Variants in PRKAG2 observed in about 807,000 individuals in gnomAD.
PRKAG2 encodes 5'-AMP-activated protein kinase subunit gamma-2.
In PRKAG2, 26 loss-of-function variants were observed where a neutral mutation model predicts 69.6. The ratio of observed to expected loss-of-function variants is 0.37; its 90% CI spans 0.27 to 0.52. PRKAG2 has a LOEUF of 0.52. Ranked by LOEUF, PRKAG2 falls within the 20% of genes least tolerant of loss-of-function variation. The pLI, the probability that PRKAG2 is intolerant of heterozygous loss-of-function variation, is 0.90. For missense variants in PRKAG2, 557 were observed against 740.0 expected, an observed-to-expected ratio of 0.75 and a Z score of 2.87; for synonymous variants, 293 against 285.0, an observed-to-expected ratio of 1.03 and a Z score of -0.28.
chr7:151,826,602 T>C (rs1008072231), intron 1 of PRKAG2, among the ~76,000 whole-genome samples: 27 of 152,226 alleles, frequency 1.8e-4, no homozygotes, highest in Admixed American at 1.5e-3. Flanking sequence ...ACCCTAATCA[T>C]TGAAAAAGAA....
chr7:151,775,162 A>T (rs2076278533), intron 3 of PRKAG2, among the ~76,000 whole-genome samples: 1 of 152,170 alleles, frequency 6.6e-6, no homozygotes, highest in African/African-American at 2.4e-5. Context: ...GGAGGGTGGG[A>T]TGCCACAGTC....
intron 6 of PRKAG2, among the ~76,000 whole-genome samples, chr7:151,586,007 C>A (rs1811575792): frequency 6.6e-6 from 1 of 152,240 alleles, no homozygotes; most frequent in Admixed American, 6.5e-5. Context: ...GCGGAGGAAG[C>A]TGGGGTACAT....
At chr7:151,735,922 C>T (rs1340393833) in intron 3 of PRKAG2, 3 of 1,536,246 alleles carry the variant, frequency 2.0e-6, no homozygotes, top group African/African-American at 1.4e-5. Flanking sequence ...GAGGCTCCGA[C>T]TGGCGCCTCT....
chr7:151,751,423 T>A (rs141521003), intron 3 of PRKAG2, among the ~76,000 whole-genome samples: 1 of 151,808 alleles, frequency 6.6e-6, no homozygotes, highest in African/African-American at 2.4e-5. Context: ...GGCCCAAAGA[T>A]GCCATATTTT....
At chr7:151,560,283 G>C (rs1227420594) in intron 15 of PRKAG2, 1 of 1,404,216 alleles carries the variant, frequency 7.1e-7, no homozygotes, top group Non-Finnish European at 9.4e-7. Context: ...AAGTCATTTA[G>C]GGGGCCACTG....
chr7:151,697,652 C>G (rs1836915907), intron 3 of PRKAG2, among the ~76,000 whole-genome samples: 1 of 152,066 alleles, frequency 6.6e-6, no homozygotes, highest in Non-Finnish European at 1.5e-5. Flanking sequence ...CTGACATAAC[C>G]CCTTAGCTGT....
chr7:151,641,592 G>A (rs1826709316), intron 4 of PRKAG2, among the ~76,000 whole-genome samples: 2 of 150,988 alleles, frequency 1.3e-5, no homozygotes, highest in Admixed American at 1.3e-4. Context: ...TGTCACCTAG[G>A]CTGGTGCAGT....
intron 5 of PRKAG2, among the ~76,000 whole-genome samples, chr7:151,621,020 G>A (rs185673897): frequency 6.6e-6 from 1 of 152,184 alleles, no homozygotes; most frequent in Non-Finnish European, 1.5e-5. Flanking sequence ...GCCCAGCCTA[G>A]ATTTCTTAAT....
intron 3 of PRKAG2, among the ~76,000 whole-genome samples, chr7:151,726,379 C>CACACAA (rs1338491582): frequency 1.2e-5 from 1 of 85,524 alleles, no homozygotes; most frequent in Admixed American, 1.2e-4. Context: ...AGGACACACA[C>CACACAA]ACACACACAC....
rs1178651354 is a variant in PRKAG2 at position 151,590,267 on chromosome 7, C to T, written c.864+5078G>A. On this transcript the variant is annotated intron_variant, in intron 6 of 15. Coordinates refer to ENST00000287878, the MANE Select transcript of PRKAG2 (RefSeq NM_016203.4). ...TCAAGCCCAGGTCTGGGACCTGCACCCACAGACAGAGAACCCAACAAGCCT... is the reference window on the plus strand; with the variant it reads ...TCAAGCCCAGGTCTGGGACCTGCACTCACAGACAGAGAACCCAACAAGCCT... 2.6e-5 allele frequency among the ~76,000 whole-genome samples: 4 copies of T among 152,338 alleles called. No homozygotes were observed. In the East Asian group the frequency reaches 7.7e-4, roughly 29 times the overall value.
chr7:151,590,432 G>A (rs971604352), intron 6 of PRKAG2, among the ~76,000 whole-genome samples: 6 of 152,252 alleles, frequency 3.9e-5, no homozygotes, highest in Admixed American at 3.3e-4. Flanking sequence ...GCTGGGCATG[G>A]ATCTGGAAGG....
At chr7:151,793,031 A>G (rs539665162) in intron 1 of PRKAG2, among the ~76,000 whole-genome samples, 213 of 152,332 alleles carry the variant, frequency 1.4e-3, no homozygotes, top group African/African-American at 5.0e-3. Flanking sequence ...CTGTCAAATG[A>G]GAGGGTTGAA....
intron 3 of PRKAG2, among the ~76,000 whole-genome samples, chr7:151,763,229 TC>T (rs1195098211): frequency 6.6e-6 from 1 of 152,216 alleles, no homozygotes; most frequent in African/African-American, 2.4e-5. Context: ...CCACACACAG[TC>T]AGACGCAGCC....
intron 3 of PRKAG2, among the ~76,000 whole-genome samples, chr7:151,752,585 T>C (rs1450737236): frequency 6.6e-6 from 1 of 152,148 alleles, no homozygotes; most frequent in Non-Finnish European, 1.5e-5. Flanking sequence ...TTTTAAAATA[T>C]TTGATAATGA....
intron 5 of PRKAG2, among the ~76,000 whole-genome samples, chr7:151,599,221 G>T (rs1239615505): frequency 6.6e-6 from 1 of 152,066 alleles, no homozygotes; most frequent in African/African-American, 2.4e-5. Context: ...ATAAGGAAAA[G>T]GCAACACCGT....
In PRKAG2 at chr7:151,560,544, G is replaced by T. The variant is rs2150971447; in HGVS notation, c.1658C>A (p.Ala553Asp). ...GIISLSDILQ[A>D]LILTPAGAKQ... Reference sequence around the variant, plus strand: ...TTTACCTGCTGGTGTGAGGATCAGGGCTTGCAGAATGTCCGACAGGGAAAT... The same window carrying T: ...TTTACCTGCTGGTGTGAGGATCAGGTCTTGCAGAATGTCCGACAGGGAAAT... Residue 553 changes from alanine (A) to aspartate (D), a missense_variant, in exon 15 of 16, where the codon GCC becomes GAC. Physicochemically the swap from Ala to Asp is moderately radical, Grantham distance 126 (BLOSUM62 -2). Around this residue, in one of 2 missense-constraint regions of PRKAG2, gnomAD observed 205 missense variants for 383.4 expected, o/e 0.53. Coordinates refer to ENST00000287878, the MANE Select transcript of PRKAG2 (RefSeq NM_016203.4). The T allele has an allele frequency of 1.2e-6, 2 of 1,614,092 alleles. No homozygotes were observed. The highest frequency in any genetic ancestry group is 1.7e-6 in the Non-Finnish European group (2 of 1,179,986).
intron 3 of PRKAG2, among the ~76,000 whole-genome samples, chr7:151,710,513 G>GA (rs377565225): frequency 2.6e-4 from 39 of 152,312 alleles, no homozygotes; most frequent in African/African-American, 9.4e-4. Context: ...CTTAGAGGAA[G>GA]ACTCAAGGGG....
chr7:151,690,689 C>T lies in PRKAG2; in HGVS notation c.467-15052G>A, dbSNP rs117877060. Among the ~76,000 whole-genome samples the T allele has an allele frequency of 1.3e-3, 192 of 152,250 alleles. 2 individuals are homozygous for T. The highest frequency in any genetic ancestry group is 9.6e-3 in the South Asian group (46 of 4,814). ...ATCTGAATACGGTGCTTAGGGGAGC[C>T]GGGTTTTTTCCACTTCTGATTCACT... On this transcript the variant is annotated intron_variant, in intron 3 of 15. Coordinates refer to ENST00000287878, the MANE Select transcript of PRKAG2 (RefSeq NM_016203.4).
Position 151,688,011 on chromosome 7 carries a change from G to GGGAGGA in PRKAG2, c.467-12380_467-12375dup, listed in dbSNP as rs144406628. Among the ~76,000 whole-genome samples the GGGAGGA allele has an allele frequency of 4.7e-4, 59 of 126,282 alleles. 2 individuals are homozygous for GGGAGGA. Among genetic ancestry groups the GGGAGGA allele is most frequent in the East Asian group, 7.0e-4 (3 of 4,256 alleles). The allele number at this position is 126,282 out of a possible 152,430, so 82.8% of individuals were successfully genotyped here. Reference sequence around the variant, plus strand: ...TTGGCACTTTGGGTTTGGAAGGGGAGGGAGGAGGAGGAGGAGGAGGAGGAA... The same window carrying GGGAGGA: ...TTGGCACTTTGGGTTTGGAAGGGGAGGGAGGAGGAGGAGGAGGAGGAGGAGGAGGAA... On this transcript the variant is annotated intron_variant, in intron 3 of 15. Coordinates refer to ENST00000287878, the MANE Select transcript of PRKAG2 (RefSeq NM_016203.4).
Sources: gnomAD v4.1 joint callset for allele counts (sites outside exome capture counted in the v4.1 genomes callset) on GRCh38, gnomAD v4.1.1 for gene constraint, gnomAD v4.1.1 regional missense constraint, MANE v1.5 for transcripts, NCBI Gene and HGNC (gene_info 2026-07-23, HGNC 2026-07-21) for gene names.